The following ASIC2 variants were observed in gnomAD, a reference collection of about 807,000 sequenced individuals.
ASIC2 encodes the protein acid sensing ion channel subunit 2, also known as acid-sensing ion channel 2.
A neutral mutation model predicts 57.3 loss-of-function variants in ASIC2; 25 were observed. The observed-to-expected ratio is 0.44, with a 90% CI of 0.32 to 0.61. The LOEUF (loss-of-function observed/expected upper bound fraction) is 0.61, where lower values mean the gene tolerates loss of function less well. ASIC2 is among the 20% of genes least tolerant of loss of function. ASIC2 has a pLI of 0.06. For synonymous variants in ASIC2, 319 were observed against 307.5 expected (o/e 1.04, Z -0.39); for missense variants, 641 against 738.1 (o/e 0.87, Z 1.52).
intron 1 of ASIC2, among the ~76,000 whole-genome samples, chr17:33,733,387 G>T (rs577540026): frequency 1.3e-5 from 2 of 152,262 alleles, no homozygotes; most frequent in Admixed American, 6.5e-5. Context: ...AACCTTGTTT[G>T]CCTAGGACTT....
chr17:33,682,477 A>T (rs1006034003), intron 1 of ASIC2, among the ~76,000 whole-genome samples: 2 of 152,262 alleles, frequency 1.3e-5, no homozygotes, highest in East Asian at 3.9e-4. Flanking sequence ...GCCTCTAGAA[A>T]TCACATTAAA....
chr17:33,474,343 G>A (rs1480751261), intron 1 of ASIC2, among the ~76,000 whole-genome samples: 2 of 152,022 alleles, frequency 1.3e-5, no homozygotes, highest in Non-Finnish European at 2.9e-5. Flanking sequence ...CTCCAGCCTG[G>A]GTCACAGAGC....
At chr17:33,021,418 G>C (rs1432265051) in intron 6 of ASIC2, 108 bp from the exon 7 acceptor site, 1 of 931,676 alleles carries the variant, frequency 1.1e-6, no homozygotes, top group African/African-American at 1.7e-5. Context: ...GGCCCAGGAA[G>C]TGAGGCAGCT....
At chr17:33,449,675 C>G (rs1912172541) in intron 1 of ASIC2, among the ~76,000 whole-genome samples, 1 of 152,130 alleles carries the variant, frequency 6.6e-6, no homozygotes. Context: ...ATTTCCTATA[C>G]ATAAAGCGTT....
intron 1 of ASIC2, among the ~76,000 whole-genome samples, chr17:33,987,548 A>G (rs971776805): frequency 1.3e-5 from 2 of 152,182 alleles, no homozygotes; most frequent in African/African-American, 2.4e-5. Flanking sequence ...GATGCAGAGG[A>G]GATGATGACT....
intron 2 of ASIC2, among the ~76,000 whole-genome samples, chr17:33,104,828 C>G (rs2092229010): frequency 6.6e-6 from 1 of 152,100 alleles, no homozygotes; most frequent in Non-Finnish European, 1.5e-5. Context: ...GGGTTTTAAG[C>G]TTGGTTCAAC....
At chr17:34,010,417 C>T (rs562445964) in intron 1 of ASIC2, among the ~76,000 whole-genome samples, 95 of 152,310 alleles carry the variant, frequency 6.2e-4, no homozygotes, top group African/African-American at 2.1e-3. Context: ...GGTGCTCAAG[C>T]TGTGCACAGT....
chr17:33,451,972 A>G (rs1912268521), intron 1 of ASIC2, among the ~76,000 whole-genome samples: 1 of 152,218 alleles, frequency 6.6e-6, no homozygotes, highest in Non-Finnish European at 1.5e-5. Flanking sequence ...ATTCTCAGTT[A>G]GTTACATGAT....
chr17:33,406,060 C>A (rs1464014116), intron 1 of ASIC2, among the ~76,000 whole-genome samples: 1 of 152,128 alleles, frequency 6.6e-6, no homozygotes, highest in African/African-American at 2.4e-5. Context: ...TGCCCTGGCT[C>A]CTTCTGCCTC....
chr17:33,232,297 C>T (rs948270205), intron 1 of ASIC2, among the ~76,000 whole-genome samples: 2 of 152,164 alleles, frequency 1.3e-5, no homozygotes, highest in Non-Finnish European at 2.9e-5. Flanking sequence ...ACTGAATTGG[C>T]CAAAATGGAT....
chr17:34,068,368 T>C (rs771840523), intron 1 of ASIC2, among the ~76,000 whole-genome samples: 12 of 152,072 alleles, frequency 7.9e-5, no homozygotes, highest in Non-Finnish European at 1.5e-4. Context: ...CATAGGAAAA[T>C]GGGGATGAGT....
chr17:33,705,698 C>T (rs974608380), intron 1 of ASIC2, among the ~76,000 whole-genome samples: 14 of 152,174 alleles, frequency 9.2e-5, no homozygotes, highest in African/African-American at 3.4e-4. Flanking sequence ...CTTAGAACCT[C>T]TATGGGGAGA....
At chr17:33,375,138 TA>T (rs1909229399) in intron 1 of ASIC2, among the ~76,000 whole-genome samples, 1 of 152,178 alleles carries the variant, frequency 6.6e-6, no homozygotes, top group Non-Finnish European at 1.5e-5. Context: ...AAGTGTTACA[TA>T]GAAAATTAGG....
At chr17:33,586,662 T>C (rs957596191) in intron 1 of ASIC2, among the ~76,000 whole-genome samples, 1 of 152,188 alleles carries the variant, frequency 6.6e-6, no homozygotes, top group Non-Finnish European at 1.5e-5. Context: ...GTTACAGGAT[T>C]TTCCTGTTTC....
At chr17:33,496,772 C>G (rs1156393577) in intron 1 of ASIC2, among the ~76,000 whole-genome samples, 1 of 151,894 alleles carries the variant, frequency 6.6e-6, no homozygotes, top group Non-Finnish European at 1.5e-5. Context: ...TGTGCACCAC[C>G]ATGCCCAGCT....
chr17:33,394,980 T>G (rs1205853095), intron 1 of ASIC2, among the ~76,000 whole-genome samples: 1 of 151,592 alleles, frequency 6.6e-6, no homozygotes, highest in Non-Finnish European at 1.5e-5. Flanking sequence ...CATTCACCCA[T>G]CCATCTATCC....
At chr17:33,045,170 C>T (rs16593) in intron 3 of ASIC2, among the ~76,000 whole-genome samples, 34,067 of 151,948 alleles carry the variant, frequency 0.22, 4,059 homozygotes, top group East Asian at 0.36. Context: ...ATCCTACCCA[C>T]GCACTAGTAG....
At chr17:33,035,805 G>T (rs1355793694) in intron 3 of ASIC2, among the ~76,000 whole-genome samples, 1 of 152,198 alleles carries the variant, frequency 6.6e-6, no homozygotes, top group Non-Finnish European at 1.5e-5. Flanking sequence ...ACAGTTCAAA[G>T]TTCAACCTAG....
At chr17:33,608,215 G>A (rs139370738) in intron 1 of ASIC2, among the ~76,000 whole-genome samples, 43 of 152,212 alleles carry the variant, frequency 2.8e-4, no homozygotes, top group Non-Finnish European at 6.0e-4. Flanking sequence ...AACTCTCCAC[G>A]TTCCCATGAG....
Sources: allele counts gnomAD v4.1 joint callset (sites outside exome capture counted in the v4.1 genomes callset), GRCh38; gene constraint gnomAD v4.1.1; transcripts MANE v1.5; gene names NCBI Gene and HGNC (gene_info 2026-07-23, HGNC 2026-07-21).